Variants in INPP5F observed in about 807,000 individuals in gnomAD.
INPP5F encodes the protein phosphatidylinositide 4-phosphatase SAC2.
Under a neutral mutation model 137.2 loss-of-function variants are expected in INPP5F, and 97 were observed. The observed-to-expected ratio is 0.71, with a 90% CI of 0.60 to 0.84. The LOEUF (loss-of-function observed/expected upper bound fraction) is 0.84. Among genes scored for constraint, INPP5F ranks in the 40% least tolerant of loss-of-function variants. The pLI is 0.00. For missense variants in INPP5F, 1,271 were observed against 1,371.9 expected (o/e 0.93, Z 1.16); for synonymous variants, 504 against 476.9 (o/e 1.06, Z -0.74).
Position 119,794,061 on chromosome 10 carries a change from C to T in INPP5F, c.669+1848C>T, listed in dbSNP as rs376430846. On this transcript the variant is annotated intron_variant, in intron 6 of 19. Coordinates refer to ENST00000650623, the MANE Select transcript of INPP5F (RefSeq NM_014937.4). ...TTATTGATCATTCTTGGGTGTTTCT[C>T]GCAGAGGGGGATTTGGCAGGGTCAC... is the stretch of plus-strand genomic sequence containing the variant. Among the ~76,000 whole-genome samples, 3 of 151,948 alleles carry T rather than the reference C, an allele frequency of 2.0e-5. No homozygotes were observed. The East Asian group carries it at 5.8e-4, about 29-fold the overall frequency.
chr10:119,733,193 A>G (rs1848133030), intron 1 of INPP5F, among the ~76,000 whole-genome samples: 1 of 152,234 alleles, frequency 6.6e-6, no homozygotes, highest in Non-Finnish European at 1.5e-5. Flanking sequence ...AAGCAAGCAC[A>G]TTAAGGAAGG....
At chr10:119,817,387 G>A (rs923778075) in intron 15 of INPP5F, among the ~76,000 whole-genome samples, 3 of 152,182 alleles carry the variant, frequency 2.0e-5, no homozygotes, top group African/African-American at 7.2e-5. Flanking sequence ...TTTAACTTTT[G>A]AGAAACTGCC....
chr10:119,796,563 G>C (rs558460505), intron 6 of INPP5F, 152 bp from the exon 7 acceptor site: 1 of 707,644 alleles, frequency 1.4e-6, no homozygotes, highest in East Asian at 2.6e-5. Flanking sequence ...CGTTCCTTAC[G>C]TGGTGTTCTT....
At chr10:119,763,795 A>G (rs934118161) in intron 2 of INPP5F, among the ~76,000 whole-genome samples, 2 of 152,200 alleles carry the variant, frequency 1.3e-5, no homozygotes, top group African/African-American at 4.8e-5. Flanking sequence ...GCATTTTACT[A>G]TAATCAGGCA....
intron 18 of INPP5F, among the ~76,000 whole-genome samples, chr10:119,823,410 A>G (rs958079642): frequency 6.6e-6 from 1 of 152,166 alleles, no homozygotes; most frequent in Non-Finnish European, 1.5e-5. Context: ...GGGCAAGGGA[A>G]TCTTTAGCGG....
In INPP5F at chr10:119,797,025, A is replaced by T. The variant is rs185492280; in HGVS notation, c.868+112A>T. The T allele has an allele frequency of 7.4e-5, 79 of 1,070,854 alleles. No homozygotes were observed. In the East Asian group the frequency reaches 1.9e-3, roughly 26 times the overall value. The allele number at this position is 1,070,854 out of a possible 1,614,324, so 66.3% of individuals were successfully genotyped here. On this transcript the variant is annotated intron_variant, in intron 7 of 19. Transcript: ENST00000650623. ...TGGATTTGGGAACACAGTTGGCTTC[A>T]AAGTGCTTGGGGACTCTAAATACTG... is the stretch of plus-strand genomic sequence containing the variant.
At chr10:119,824,884 T>C (rs886626662) in intron 19 of INPP5F, among the ~76,000 whole-genome samples, 4 of 152,358 alleles carry the variant, frequency 2.6e-5, no homozygotes, top group East Asian at 3.9e-4. Context: ...TTGCCAAAGA[T>C]TGTATTTTAT....
chr10:119,810,927 T>C (rs1851005514), intron 14 of INPP5F, among the ~76,000 whole-genome samples: 1 of 152,188 alleles, frequency 6.6e-6, no homozygotes, highest in African/African-American at 2.4e-5. Context: ...ATCAGACTAG[T>C]AGGGCCTAGA....
intron 2 of INPP5F, among the ~76,000 whole-genome samples, chr10:119,772,782 A>AG (rs1160500436): frequency 4.0e-5 from 6 of 151,556 alleles, no homozygotes; most frequent in Admixed American, 3.9e-4. Context: ...CTCGCTCTGT[A>AG]GCCCAGGCTG....
chr10:119,798,786 CTTTTTT>C (rs374141329), intron 9 of INPP5F, among the ~76,000 whole-genome samples, 176 bp downstream of exon 9: 3 of 100,692 alleles, frequency 3.0e-5, no homozygotes, highest in East Asian at 2.8e-4. Flanking sequence ...GAGTCAGCTA[CTTTTTT>C]TTTTTTTTTT....
At chr10:119,823,307 G>A in intron 18 of INPP5F, 108 bp downstream of exon 18, 3 of 1,048,468 alleles carry the variant, frequency 2.9e-6, no homozygotes, top group Non-Finnish European at 4.1e-6. Context: ...AATGAGAGAG[G>A]GTCCAGGGAA....
intron 15 of INPP5F, among the ~76,000 whole-genome samples, chr10:119,818,461 C>T (rs1343790335): frequency 6.6e-6 from 1 of 152,230 alleles, no homozygotes; most frequent in African/African-American, 2.4e-5. Context: ...AGTACCCTCG[C>T]CCGGCCCGCC....
rs572565348 is a variant in INPP5F at position 119,799,220 on chromosome 10, T to C, written c.1116+610T>C. On this transcript the variant is annotated intron_variant, in intron 9 of 19. Transcript: ENST00000650623. ...ATTTTGATACAAGATGAATATATAA[T>C]AGTAATTCTGTTATCCATTAGCAGT... is the stretch of plus-strand genomic sequence containing the variant. 1.5e-4 allele frequency: 46 copies of C among 315,642 alleles called. No homozygotes were observed. In the East Asian group the frequency reaches 4.6e-3, roughly 31 times the overall value. The allele number at this position is 315,642 out of a possible 1,614,324, so 19.6% of individuals were successfully genotyped here.
intron 2 of INPP5F, among the ~76,000 whole-genome samples, chr10:119,753,060 T>G (rs1052556813): frequency 1.3e-5 from 2 of 152,208 alleles, no homozygotes; most frequent in Non-Finnish European, 2.9e-5. Context: ...AAGCACTTAG[T>G]CGTTGAGTAA....
chr10:119,798,962 C>T (rs755420195), intron 9 of INPP5F, among the ~76,000 whole-genome samples: 6 of 151,808 alleles, frequency 4.0e-5, no homozygotes, highest in Non-Finnish European at 7.4e-5. Context: ...GTTTGGATAG[C>T]GTGAAGAGGT....
rs567745064 is a variant in INPP5F at position 119,785,015 on chromosome 10, G to T, written c.315+3244G>T. Among the ~76,000 whole-genome samples, 3 of 152,280 alleles carry T rather than the reference G, an allele frequency of 2.0e-5. No homozygotes were observed. In the East Asian group the frequency reaches 5.8e-4, roughly 29 times the overall value. ...ACCTAGCATAGCTTTTAAGGTTCAT[G>T]CCAGTTGTAGTGTGTAGCAGTACTT... On this transcript the variant is annotated intron_variant, in intron 3 of 19. Transcript: ENST00000650623.
At chr10:119,767,266 TA>T (rs896604512) in intron 2 of INPP5F, among the ~76,000 whole-genome samples, 1 of 152,088 alleles carries the variant, frequency 6.6e-6, no homozygotes, top group African/African-American at 2.4e-5. Context: ...GGCTTAACTT[TA>T]AATGTAGAAT....
At chr10:119,822,983 A>C in intron 17 of INPP5F, 88 bp from the exon 18 acceptor site, 1 of 1,311,418 alleles carries the variant, frequency 7.6e-7, no homozygotes, top group Non-Finnish European at 1.0e-6. Flanking sequence ...TTATATTATG[A>C]AGAAAAATGT....
intron 2 of INPP5F, among the ~76,000 whole-genome samples, chr10:119,762,962 A>G (rs533867726): frequency 6.6e-6 from 1 of 152,324 alleles, no homozygotes; most frequent in East Asian, 1.9e-4. Flanking sequence ...TTTAAATATC[A>G]TCTAACTCAG....
Sources: allele counts gnomAD v4.1 joint callset (sites outside exome capture counted in the v4.1 genomes callset), GRCh38; gene constraint gnomAD v4.1.1; transcripts MANE v1.5; gene names NCBI Gene and HGNC (gene_info 2026-07-23, HGNC 2026-07-21).